CDH17: variants seen among roughly 807,000 people sequenced by gnomAD.
CDH17 encodes the protein cadherin 17, also known as cadherin-17.
CDH17 carries 67 observed loss-of-function variants against 86.3 expected under a neutral mutation model. The ratio of observed to expected loss-of-function variants is 0.78; its 90% CI spans 0.64 to 0.95. The LOEUF (loss-of-function observed/expected upper bound fraction) is 0.95. Ranked by LOEUF, CDH17 falls within the 40% of genes least tolerant of loss-of-function variation. CDH17 has a pLI of 0.00. For missense variants in CDH17, 993 were observed against 1,017.6 expected, an observed-to-expected ratio of 0.98 and a Z score of 0.33; for synonymous variants, 367 against 366.4, an observed-to-expected ratio of 1.00 and a Z score of -0.02.
In CDH17 at chr8:94,165,748, A is replaced by G. The variant is rs754103240; in HGVS notation, c.1282+13T>C. The G allele has an allele frequency of 1.9e-6, 3 of 1,548,756 alleles. No individual in the cohort carries two copies. The highest frequency in any genetic ancestry group is 3.3e-5 in the Admixed American group (2 of 59,924). On this transcript the variant is annotated intron_variant, in intron 10 of 17. Coordinates refer to ENST00000027335, the MANE Select transcript of CDH17 (RefSeq NM_004063.4). Reference sequence around the variant, plus strand: ...CAATGATTTGCACTCAAGACGGTGGATATGATACTAACCTTTGTCAGACAC... The same window carrying G: ...CAATGATTTGCACTCAAGACGGTGGGTATGATACTAACCTTTGTCAGACAC...
chr8:94,161,168 C>T (rs1040312484), intron 11 of CDH17, among the ~76,000 whole-genome samples: 1 of 152,098 alleles, frequency 6.6e-6, no homozygotes, highest in Non-Finnish European at 1.5e-5. Flanking sequence ...CGATAAAAGG[C>T]GAGGAGGTCA....
At chr8:94,201,279 T>C (rs1813906740) in intron 1 of CDH17, among the ~76,000 whole-genome samples, 1 of 152,190 alleles carries the variant, frequency 6.6e-6, no homozygotes, top group Non-Finnish European at 1.5e-5. Flanking sequence ...CTTTTTTAAA[T>C]CAATCCAAAT....
intron 1 of CDH17, among the ~76,000 whole-genome samples, chr8:94,198,716 G>A (rs1275732115): frequency 6.6e-6 from 1 of 152,110 alleles, no homozygotes; most frequent in African/African-American, 2.4e-5. Flanking sequence ...TGGCAGCCAA[G>A]CTCTCACCCC....
At chr8:94,200,548 T>G (rs2446864) in intron 1 of CDH17, among the ~76,000 whole-genome samples, 4,484 of 141,834 alleles carry the variant, frequency 0.032, 189 homozygotes, top group Middle Eastern at 0.045. Flanking sequence ...TTTTTTTTTT[T>G]TTTTTTTTTT....
At chr8:94,199,491 C>T (rs1450294288) in intron 1 of CDH17, among the ~76,000 whole-genome samples, 4 of 151,094 alleles carry the variant, frequency 2.6e-5, no homozygotes, top group South Asian at 2.1e-4. Flanking sequence ...TTCAGTCTTC[C>T]AGAAAAACAC....
chr8:94,170,348 A>T, intron 9 of CDH17, 49 bp downstream of exon 9: 1 of 1,588,210 alleles, frequency 6.3e-7, no homozygotes, highest in South Asian at 1.2e-5. Flanking sequence ...CCAGCAGAGG[A>T]GAGAAATGGA....
chr8:94,133,037 G>A (rs1271143620), intron 15 of CDH17, among the ~76,000 whole-genome samples: 1 of 152,042 alleles, frequency 6.6e-6, no homozygotes, highest in Non-Finnish European at 1.5e-5. Context: ...TATCTGTTTT[G>A]GTACCAGTAC....
At chr8:94,214,479 C>T (rs796165906) in intron 1 of CDH17, among the ~76,000 whole-genome samples, 2 of 152,108 alleles carry the variant, frequency 1.3e-5, no homozygotes, top group South Asian at 2.1e-4. Context: ...TGGACCCTGA[C>T]CTCACACCAT....
Position 94,170,429 on chromosome 8 carries a change from G to A in CDH17, c.1034C>T (p.Thr345Ile). Reference protein sequence around the residue: ...DNPPTCPSPVTVFEVQENERL... With the variant: ...DNPPTCPSPVIVFEVQENERL... Reference sequence around the variant, plus strand: ...TTCATTCTCCTGGACCTCAAATACGGTTACTGGTGACGGACATGTAGGTGG... The same window carrying A: ...TTCATTCTCCTGGACCTCAAATACGATTACTGGTGACGGACATGTAGGTGG... Residue 345 changes from threonine to isoleucine, a missense_variant, in exon 9 of 18, where the codon ACC (threonine) becomes ATC (isoleucine). Coordinates refer to ENST00000027335, the MANE Select transcript of CDH17 (RefSeq NM_004063.4). 1 of 1,613,782 alleles carries A rather than the reference G, an allele frequency of 6.2e-7. No homozygotes were observed. Among genetic ancestry groups the A allele is most frequent in the Non-Finnish European group, 8.5e-7 (1 of 1,179,828 alleles).
At chr8:94,194,506 T>C in intron 2 of CDH17, 129 bp downstream of exon 2, 1 of 696,662 alleles carries the variant, frequency 1.4e-6, no homozygotes, top group Non-Finnish European at 2.5e-6. Context: ...TTCCATTCTA[T>C]ACAACAACTT....
chr8:94,177,173 C>G (rs1420682911), intron 4 of CDH17, among the ~76,000 whole-genome samples: 1 of 152,148 alleles, frequency 6.6e-6, no homozygotes, highest in East Asian at 1.9e-4. Context: ...GCTACTGGTT[C>G]CCTCTGCTTC....
At chr8:94,194,792 C>A (rs528932812) in intron 1 of CDH17, 87 bp from the exon 2 acceptor site, 34 of 724,794 alleles carry the variant, frequency 4.7e-5, no homozygotes, top group Non-Finnish European at 7.4e-5. Context: ...TGGATGATAT[C>A]CAGTTATAAA....
intron 3 of CDH17, 128 bp downstream of exon 3, chr8:94,189,059 G>T: frequency 1.4e-6 from 1 of 707,072 alleles, no homozygotes; most frequent in Non-Finnish European, 2.4e-6. Context: ...CTTAGCTTCT[G>T]AAATCATTCT....
intron 15 of CDH17, 126 bp downstream of exon 15, chr8:94,145,802 A>T (rs1326004348): frequency 9.3e-7 from 1 of 1,079,066 alleles, no homozygotes; most frequent in Admixed American, 2.4e-5. Flanking sequence ...AAGCTTCCAA[A>T]GCATGAACTT....
intron 1 of CDH17, among the ~76,000 whole-genome samples, chr8:94,214,169 C>G (rs574467358): frequency 1.3e-5 from 2 of 152,122 alleles, no homozygotes; most frequent in South Asian, 4.2e-4. Context: ...AGAACACTAC[C>G]CCTTCATGTT....
intron 1 of CDH17, among the ~76,000 whole-genome samples, chr8:94,196,130 G>A (rs1813782932): frequency 6.6e-6 from 1 of 152,056 alleles, no homozygotes; most frequent in South Asian, 2.1e-4. Flanking sequence ...CTAGAGATTA[G>A]GAATAATCTT....
In CDH17 at chr8:94,174,242, A is replaced by G; in HGVS notation, c.443T>C (p.Val148Ala). 1 of 1,612,226 alleles carries G rather than the reference A, an allele frequency of 6.2e-7. No homozygotes were observed. The highest frequency in any genetic ancestry group is 1.1e-5 in the South Asian group (1 of 90,790). Reference protein sequence around the residue: ...NSRPGKPFLYVNATDLDDPAT... With the variant: ...NSRPGKPFLYANATDLDDPAT... ...CGGATCATCCAGGTCTGTGGCATTG[A>G]CATACAAGAAGGGCTTTCCTGTTTA... The change falls in exon 6 of 18, where the codon GTC becomes GCC. Residue 148 changes from valine (V) to alanine (A), a missense_variant. By Grantham distance (64) the Val-to-Ala change is moderately conservative. Transcript: ENST00000027335.
intron 9 of CDH17, among the ~76,000 whole-genome samples, chr8:94,166,652 A>T (rs1051625073): frequency 1.3e-4 from 20 of 152,158 alleles, no homozygotes; most frequent in African/African-American, 4.8e-4. Context: ...TGCAAATAAG[A>T]CCTTCACAGA....
At position 94,128,227 on chromosome 8, in the gene CDH17, T is replaced by C; in HGVS notation, c.*13A>G. The C allele has an allele frequency of 6.4e-7, 1 of 1,560,192 alleles. No individual in the cohort carries two copies. Among genetic ancestry groups the C allele is most frequent in the Non-Finnish European group, 8.8e-7 (1 of 1,131,986 alleles). ...AGCACTTGCTATATAAATTCAAACA[T>C]TCCTTTTCAAATTCAGCTTCTCAGA... On this transcript the variant is annotated 3_prime_UTR_variant, in exon 18 of 18. Coordinates refer to ENST00000027335, the MANE Select transcript of CDH17 (RefSeq NM_004063.4).
Sources: gnomAD v4.1 joint callset for allele counts (sites outside exome capture counted in the v4.1 genomes callset) on GRCh38, gnomAD v4.1.1 for gene constraint, MANE v1.5 for transcripts, NCBI Gene and HGNC (gene_info 2026-07-23, HGNC 2026-07-21) for gene names.